CYB5R4: variants seen among roughly 807,000 people sequenced by gnomAD.
The protein encoded by CYB5R4 is N-terminal cytochrome b5 and cytochrome b5 oxidoreductase domain-containing protein.
Under a neutral mutation model 70.2 loss-of-function variants are expected in CYB5R4, and 55 were observed. The ratio of observed to expected loss-of-function variants is 0.78; its 90% CI spans 0.63 to 0.98. The LOEUF (loss-of-function observed/expected upper bound fraction) is 0.98, where lower values mean the gene tolerates loss of function less well. CYB5R4 is among the 50% of genes least tolerant of loss of function. The probability of loss-of-function intolerance (pLI) is 0.00; values close to 1 mark genes in which losing one functional copy is unlikely to be tolerated. For missense variants in CYB5R4, 562 were observed against 612.6 expected (o/e 0.92, Z 0.87); for synonymous variants, 197 against 199.5 (o/e 0.99, Z 0.11).
chr6:83,922,433 C>T lies in CYB5R4; in HGVS notation c.659-5C>T, dbSNP rs16874118. 4.2e-3 allele frequency: 6,721 copies of T among 1,611,548 alleles called. 241 individuals carry two copies. In the African/African-American group the frequency reaches 0.078, roughly 19 times the overall value. On this transcript the variant is annotated splice_region_variant and splice_polypyrimidine_tract_variant and intron_variant, in intron 8 of 15. Coordinates refer to ENST00000369681, the MANE Select transcript of CYB5R4 (RefSeq NM_016230.4). ...ATTTTAACTAAATAAATTTGTCTGT[C>T]CTAGGGCTAAGCCATGAGGTTCAGG... is the stretch of plus-strand genomic sequence containing the variant.
At position 83,913,857 on chromosome 6, in the gene CYB5R4, A is replaced by G. The variant is rs61762818; in HGVS notation, c.413-559A>G. 1.7e-3 allele frequency among the ~76,000 whole-genome samples: 255 copies of G among 152,270 alleles called. 3 individuals carry two copies. The highest frequency in any genetic ancestry group is 5.6e-3 in the African/African-American group (231 of 41,562). ...AATATAGCTTTGTGAGTTGGCCGCC[A>G]TCCTGAAAGAAAATACCTGTTAATT... On this transcript the variant is annotated intron_variant, in intron 4 of 15. Transcript: ENST00000369681.
At chr6:83,866,665 G>C (rs905820005) in intron 2 of CYB5R4, among the ~76,000 whole-genome samples, 2 of 151,904 alleles carry the variant, frequency 1.3e-5, no homozygotes, top group East Asian at 3.8e-4. Context: ...CCCTAGGCTG[G>C]AGTGCAGTGG....
At chr6:83,863,641 G>A (rs1267090122) in intron 1 of CYB5R4, among the ~76,000 whole-genome samples, 1 of 152,036 alleles carries the variant, frequency 6.6e-6, no homozygotes, top group Non-Finnish European at 1.5e-5. Flanking sequence ...CTGTTATATG[G>A]TCAGCCCTGT....
At chr6:83,874,166 C>T (rs1588560098) in intron 2 of CYB5R4, among the ~76,000 whole-genome samples, 1 of 84,068 alleles carries the variant, frequency 1.2e-5, no homozygotes, top group South Asian at 6.6e-4. Context: ...TTCCCCTCCC[C>T]TCCCCTCCCC....
intron 14 of CYB5R4, among the ~76,000 whole-genome samples, chr6:83,951,044 T>A (rs1286533667): frequency 6.6e-6 from 1 of 151,902 alleles, no homozygotes; most frequent in African/African-American, 2.4e-5. Flanking sequence ...TGCTACAAAA[T>A]ATCTTACAAT....
At chr6:83,900,351 T>C (rs1417012318) in intron 3 of CYB5R4, among the ~76,000 whole-genome samples, 1 of 152,204 alleles carries the variant, frequency 6.6e-6, no homozygotes, top group African/African-American at 2.4e-5. Context: ...ATAATTTCTG[T>C]TCTTTTACTT....
At chr6:83,945,159 G>A (rs527305521) in intron 14 of CYB5R4, among the ~76,000 whole-genome samples, 30 of 152,116 alleles carry the variant, frequency 2.0e-4, no homozygotes, top group Admixed American at 1.2e-3. Context: ...TTCTAAAATC[G>A]ACCACATAAT....
In CYB5R4 at chr6:83,954,173, A is replaced by G. The variant is rs1249445246; in HGVS notation, c.1347-1125A>G. On this transcript the variant is annotated intron_variant, in intron 14 of 15. Transcript: ENST00000369681. ...GAAAACCCAGGAGAGAGTATTCCAC[A>G]GGAATTGTCTATATTTTGATATAAA... Among the ~76,000 whole-genome samples the G allele has an allele frequency of 3.3e-5, 5 of 152,164 alleles. No homozygotes were observed. The East Asian group carries it at 9.6e-4, about 29-fold the overall frequency.
At chr6:83,936,434 C>A in intron 12 of CYB5R4, 58 bp downstream of exon 12, 1 of 1,415,170 alleles carries the variant, frequency 7.1e-7, no homozygotes, top group Non-Finnish European at 9.8e-7. Context: ...TCACATTGTC[C>A]TCTAGTTATC....
At chr6:83,915,559 T>C (rs2099465379) in intron 5 of CYB5R4, among the ~76,000 whole-genome samples, 1 of 152,234 alleles carries the variant, frequency 6.6e-6, no homozygotes, top group African/African-American at 2.4e-5. Context: ...ACATGTGGCT[T>C]CCAGAACCTG....
chr6:83,944,502 T>A (rs2099470260), intron 14 of CYB5R4, among the ~76,000 whole-genome samples: 1 of 152,086 alleles, frequency 6.6e-6, no homozygotes, highest in Non-Finnish European at 1.5e-5. Flanking sequence ...TAAAGACCAT[T>A]GAAACTATGA....
intron 5 of CYB5R4, among the ~76,000 whole-genome samples, chr6:83,916,725 GA>G (rs1325649283): frequency 1.3e-5 from 2 of 152,074 alleles, no homozygotes; most frequent in Non-Finnish European, 1.5e-5. Context: ...AGCCCATTCA[GA>G]AAAATATGAC....
In CYB5R4 at chr6:83,960,450, GAATGCAAC is replaced by G. The variant is rs2129146905; in HGVS notation, c.*576_*583del. ...TAATCCTTGTGGTAGAAATGTGGTT[GAATGCAAC>G]AATATTGGGCCAGCGTCTCAAGGGG... On this transcript the variant is annotated 3_prime_UTR_variant, in exon 16 of 16. Coordinates refer to ENST00000369681, the MANE Select transcript of CYB5R4 (RefSeq NM_016230.4). 6.6e-6 allele frequency: 1 copy of G among 152,398 alleles called. No homozygotes were observed. The highest frequency in any genetic ancestry group is 2.4e-5 in the African/African-American group (1 of 41,550). The allele number at this position is 152,398 out of a possible 1,614,324, so 9.4% of individuals were successfully genotyped here.
At chr6:83,882,802 A>C (rs9353147) in intron 2 of CYB5R4, among the ~76,000 whole-genome samples, 23,395 of 152,102 alleles carry the variant, frequency 0.15, 3,524 homozygotes, top group African/African-American at 0.37. Context: ...CCTGGCTAAC[A>C]TGGTGAAACC....
chr6:83,870,323 GGATAACCAACTATATTTCTTTA>G (rs915275460), intron 2 of CYB5R4, among the ~76,000 whole-genome samples: 11 of 152,220 alleles, frequency 7.2e-5, no homozygotes, highest in Admixed American at 4.6e-4. Context: ...CTATGAACAA[GGATAACCAACTATATTTCTTTA>G]GATTATCTTT....
chr6:83,895,035 T>C (rs747055052), intron 3 of CYB5R4, among the ~76,000 whole-genome samples: 4 of 152,240 alleles, frequency 2.6e-5, no homozygotes, highest in Non-Finnish European at 5.9e-5. Context: ...TTAATGTTCT[T>C]CCTGGGTTGG....
chr6:83,860,099 C>T (rs2099455697), intron 1 of CYB5R4, among the ~76,000 whole-genome samples: 1 of 152,108 alleles, frequency 6.6e-6, no homozygotes, highest in South Asian at 2.1e-4. Flanking sequence ...TATCCGTTCC[C>T]TTCCTCCAAG....
intron 14 of CYB5R4, among the ~76,000 whole-genome samples, chr6:83,945,684 TAAA>T (rs1298044395): frequency 2.0e-5 from 3 of 151,784 alleles, no homozygotes; most frequent in South Asian, 2.1e-4. Flanking sequence ...GTCAGACTAA[TAAA>T]GAAGAAAAGA....
At position 83,864,543 on chromosome 6, in the gene CYB5R4, C is replaced by T. The variant is rs879014717; in HGVS notation, c.229+215C>T. Among the ~76,000 whole-genome samples, 17 of 152,262 alleles carry T rather than the reference C, an allele frequency of 1.1e-4. No homozygotes were observed. The South Asian group carries it at 1.7e-3, about 15-fold the overall frequency. ...TGCAGAAAACAGTGAACTTCTGATA[C>T]GAAAAAGTTTTTCTTGCTTCCTTGT... is the stretch of plus-strand genomic sequence containing the variant. On this transcript the variant is annotated intron_variant, in intron 2 of 15. Transcript: ENST00000369681.
Sources: allele counts gnomAD v4.1 joint callset (sites outside exome capture counted in the v4.1 genomes callset), GRCh38; gene constraint gnomAD v4.1.1; transcripts MANE v1.5; gene names NCBI Gene and HGNC (gene_info 2026-07-23, HGNC 2026-07-21).